The following KAZN variants were observed in gnomAD, a reference collection of about 807,000 sequenced individuals.
The protein encoded by KAZN is kazrin.
KAZN carries 40 observed loss-of-function variants against 87.4 expected under a neutral mutation model. The observed-to-expected ratio is 0.46, with a 90% confidence interval of 0.36 to 0.60. The LOEUF (loss-of-function observed/expected upper bound fraction) is 0.60. Among genes scored for constraint, KAZN ranks in the 20% least tolerant of loss-of-function variants. KAZN has a pLI of 0.00. For synonymous variants in KAZN, 466 were observed against 458.3 expected (o/e 1.02, Z -0.22); for missense variants, 898 against 1,073.9 (o/e 0.84, Z 2.29).
chr1:14,893,221 C>T (rs897166429), intron 1 of KAZN, among the ~76,000 whole-genome samples: 9 of 151,928 alleles, frequency 5.9e-5, no homozygotes, highest in African/African-American at 2.2e-4. Context: ...CGAAATGTAG[C>T]TGGGCGTGGT....
At chr1:14,097,525 G>A (rs1410170886) in intron 1 of KAZN, among the ~76,000 whole-genome samples, 1 of 152,128 alleles carries the variant, frequency 6.6e-6, no homozygotes, top group Non-Finnish European at 1.5e-5. Flanking sequence ...TGGTTCAAAG[G>A]ATTTCTATCT....
chr1:14,989,872 C>T (rs374480486), intron 2 of KAZN, among the ~76,000 whole-genome samples: 44 of 152,268 alleles, frequency 2.9e-4, no homozygotes, highest in East Asian at 1.2e-3. Context: ...GCATGTTAGA[C>T]GAGAGCAAGT....
At chr1:13,981,089 TTA>T (rs1205017791) in intron 1 of KAZN, among the ~76,000 whole-genome samples, 3 of 63,120 alleles carry the variant, frequency 4.8e-5, no homozygotes, top group South Asian at 4.8e-4. Context: ...AAATTACTCT[TTA>T]TATATATATA....
chr1:14,826,697 C>T lies in KAZN; in HGVS notation c.227-133987C>T, dbSNP rs1013087529. On this transcript the variant is annotated intron_variant, in intron 1 of 14. Transcript: ENST00000376030. ...GTAGCGGCTGGATTTTTTTTCATCT[C>T]GGTTTTTACAGAACCTGGTATCCCC... 3.9e-5 allele frequency among the ~76,000 whole-genome samples: 6 copies of T among 152,156 alleles called. No homozygotes were observed. The South Asian group carries it at 6.2e-4, about 16-fold the overall frequency.
At chr1:14,817,341 T>C (rs891485486) in intron 1 of KAZN, among the ~76,000 whole-genome samples, 5 of 152,204 alleles carry the variant, frequency 3.3e-5, no homozygotes, top group Non-Finnish European at 5.9e-5. Context: ...CCTCTGTAAA[T>C]AGTCATTCAG....
At chr1:14,397,235 TG>T (rs1662974376) in intron 2 of KAZN, among the ~76,000 whole-genome samples, 1 of 152,070 alleles carries the variant, frequency 6.6e-6, no homozygotes, top group Non-Finnish European at 1.5e-5. Flanking sequence ...TACTACAAAC[TG>T]GGTGGCTTGA....
At position 15,112,483 on chromosome 1, in the gene KAZN, G is replaced by T; in HGVS notation, c.2105G>T (p.Ser702Ile). 1 of 1,606,158 alleles carries T rather than the reference G, an allele frequency of 6.2e-7. No individual in the cohort carries two copies. Among genetic ancestry groups the T allele is most frequent in the Non-Finnish European group, 8.5e-7 (1 of 1,177,286 alleles). Residue 702 changes from serine to isoleucine, a missense_variant, in exon 14 of 15, where the codon AGC becomes ATC. Transcript: ENST00000376030. ...GGAACGCCCCCTGGCAGGGCCTCCAGCGTCACGCGGGCAGGAAAGGAGGAG... is the reference window on the plus strand; with the variant it reads ...GGAACGCCCCCTGGCAGGGCCTCCATCGTCACGCGGGCAGGAAAGGAGGAG... ...RFGTPPGRAS[S>I]VTRAGKEENS...
chr1:15,023,086 G>A (rs1670848028), intron 2 of KAZN, among the ~76,000 whole-genome samples: 1 of 152,234 alleles, frequency 6.6e-6, no homozygotes. Flanking sequence ...GTCCTGAGCT[G>A]GGGGTCTGGT....
At chr1:14,122,456 A>T (rs1644772422) in intron 1 of KAZN, among the ~76,000 whole-genome samples, 1 of 152,124 alleles carries the variant, frequency 6.6e-6, no homozygotes, top group Admixed American at 6.6e-5. Context: ...TCCTATGTGA[A>T]TCATCCCATT....
chr1:14,471,492 T>A (rs1464351807), intron 2 of KAZN, among the ~76,000 whole-genome samples: 1 of 152,174 alleles, frequency 6.6e-6, no homozygotes, highest in African/African-American at 2.4e-5. Context: ...CTGATTGAGC[T>A]ATTGGCTTTT....
At chr1:14,365,395 A>T (rs1198876451) in intron 2 of KAZN, among the ~76,000 whole-genome samples, 6 of 125,926 alleles carry the variant, frequency 4.8e-5, no homozygotes, top group Admixed American at 8.8e-5. Context: ...TTTCAAGGTC[A>T]CCAGCTGTGT....
chr1:14,271,177 T>A (rs1651894065), intron 2 of KAZN, among the ~76,000 whole-genome samples: 1 of 152,204 alleles, frequency 6.6e-6, no homozygotes. Flanking sequence ...TATCTTCCTC[T>A]TATGAGGACA....
At chr1:14,665,517 T>A (rs1438741811) in intron 1 of KAZN, among the ~76,000 whole-genome samples, 1 of 151,668 alleles carries the variant, frequency 6.6e-6, no homozygotes, top group Non-Finnish European at 1.5e-5. Context: ...GTCACCAGAG[T>A]CAACCTTCAG....
intron 2 of KAZN, among the ~76,000 whole-genome samples, chr1:14,523,576 A>G (rs972858650): frequency 6.6e-6 from 1 of 152,250 alleles, no homozygotes; most frequent in Non-Finnish European, 1.5e-5. Flanking sequence ...TTGCTGCTCC[A>G]TCACCAGCAG....
chr1:14,903,659 A>G (rs1309703044), intron 1 of KAZN, among the ~76,000 whole-genome samples: 2 of 152,222 alleles, frequency 1.3e-5, no homozygotes, highest in Non-Finnish European at 2.9e-5. Context: ...ATGAAAGACA[A>G]GCTCACCACA....
intron 1 of KAZN, among the ~76,000 whole-genome samples, chr1:14,788,643 C>T (rs1224087091): frequency 6.6e-6 from 1 of 152,128 alleles, no homozygotes; most frequent in Non-Finnish European, 1.5e-5. Flanking sequence ...CACCAAAGGG[C>T]CTCCGTCAAA....
intron 2 of KAZN, among the ~76,000 whole-genome samples, chr1:14,548,792 T>A (rs74403244): frequency 0.019 from 2,869 of 150,874 alleles, 34 homozygotes; most frequent in Non-Finnish European, 0.029. Context: ...GTGAACATTC[T>A]TTCGTTGTCT....
chr1:14,752,560 G>A (rs972008284), intron 1 of KAZN, among the ~76,000 whole-genome samples: 17 of 152,098 alleles, frequency 1.1e-4, no homozygotes, highest in African/African-American at 3.1e-4. Flanking sequence ...CCAAGATAGC[G>A]CCTTCTTGCT....
At chr1:14,570,190 AC>A (rs1384835594) in intron 2 of KAZN, among the ~76,000 whole-genome samples, 4 of 152,194 alleles carry the variant, frequency 2.6e-5, no homozygotes, top group Admixed American at 1.3e-4. Flanking sequence ...CAGGTTCATA[AC>A]CCCATTTTGT....
Sources: gnomAD v4.1 joint callset for allele counts (sites outside exome capture counted in the v4.1 genomes callset) on GRCh38, gnomAD v4.1.1 for gene constraint, MANE v1.5 for transcripts, NCBI Gene and HGNC (gene_info 2026-07-23, HGNC 2026-07-21) for gene names.